The following SLC9A9 variants were observed in gnomAD, a reference collection of about 807,000 sequenced individuals.
SLC9A9 encodes sodium/hydrogen exchanger 9.
In SLC9A9, 62 loss-of-function variants were observed where a neutral mutation model predicts 77.8. The ratio of observed to expected loss-of-function variants is 0.80; its 90% confidence interval spans 0.65 to 0.98. The LOEUF is 0.98. SLC9A9 is among the 50% of genes least tolerant of loss of function. The pLI is 0.00. For missense variants in SLC9A9, 775 were observed against 774.9 expected (o/e 1.00, Z 0.00); for synonymous variants, 320 against 283.5 (o/e 1.13, Z -1.29).
At chr3:143,326,240 T>G (rs2031599415) in intron 14 of SLC9A9, among the ~76,000 whole-genome samples, 1 of 152,020 alleles carries the variant, frequency 6.6e-6, no homozygotes, top group African/African-American at 2.4e-5. Context: ...TGCTAAGTGG[T>G]CTCCCAGACA....
At chr3:143,670,903 A>ACTTGACT (rs2039145707) in intron 5 of SLC9A9, among the ~76,000 whole-genome samples, 1 of 152,204 alleles carries the variant, frequency 6.6e-6, no homozygotes, top group African/African-American at 2.4e-5. Flanking sequence ...TAAAGTGGGA[A>ACTTGACT]CTTGACTCTT....
intron 11 of SLC9A9, 111 bp downstream of exon 11, chr3:143,493,542 G>T: frequency 2.3e-6 from 2 of 887,058 alleles, no homozygotes; most frequent in South Asian, 1.4e-5. Flanking sequence ...GGTACAATGG[G>T]ATAAAGAGAA....
chr3:143,475,327 A>G (rs577864353), intron 11 of SLC9A9, among the ~76,000 whole-genome samples: 1 of 152,048 alleles, frequency 6.6e-6, no homozygotes, highest in South Asian at 2.1e-4. Flanking sequence ...CTGGTCTTTA[A>G]GATCTGTCTT....
chr3:143,576,453 G>A (rs958992915), intron 7 of SLC9A9, among the ~76,000 whole-genome samples: 2 of 152,206 alleles, frequency 1.3e-5, no homozygotes, highest in African/African-American at 4.8e-5. Flanking sequence ...GGTGTAAGGT[G>A]AGGAGGACAA....
chr3:143,432,561 C>T (rs968367545), intron 12 of SLC9A9, among the ~76,000 whole-genome samples: 3 of 152,200 alleles, frequency 2.0e-5, no homozygotes, highest in Non-Finnish European at 4.4e-5. Flanking sequence ...TTAAAACAAG[C>T]AGGCTGCCCT....
intron 14 of SLC9A9, among the ~76,000 whole-genome samples, chr3:143,358,308 A>G (rs2032649143): frequency 6.6e-6 from 1 of 152,144 alleles, no homozygotes; most frequent in Non-Finnish European, 1.5e-5. Context: ...CCAACCAGTT[A>G]TGGGAAGGAA....
chr3:143,296,008 A>C (rs2108422114), intron 14 of SLC9A9, among the ~76,000 whole-genome samples: 1 of 152,266 alleles, frequency 6.6e-6, no homozygotes, highest in East Asian at 1.9e-4. Flanking sequence ...GCAATAGTTA[A>C]TAATGTGGCA....
intron 14 of SLC9A9, among the ~76,000 whole-genome samples, chr3:143,311,805 CAT>C (rs536318649): frequency 6.6e-6 from 1 of 152,174 alleles, no homozygotes; most frequent in Non-Finnish European, 1.5e-5. Context: ...ACTTTGCTCT[CAT>C]GTGTACTGAA....
intron 6 of SLC9A9, among the ~76,000 whole-genome samples, chr3:143,643,903 T>A (rs913776092): frequency 6.7e-6 from 1 of 149,162 alleles, no homozygotes; most frequent in African/African-American, 2.4e-5. Flanking sequence ...GATCTTCTGA[T>A]ACAAGCAGAG....
At chr3:143,517,092 A>G (rs2036213892) in intron 9 of SLC9A9, 3 of 1,376,322 alleles carry the variant, frequency 2.2e-6, no homozygotes. Context: ...TTTTTCCTTC[A>G]GCAAGGGCTT....
chr3:143,536,515 A>G (rs1275640646), intron 9 of SLC9A9, among the ~76,000 whole-genome samples: 1 of 152,242 alleles, frequency 6.6e-6, no homozygotes, highest in Non-Finnish European at 1.5e-5. Context: ...GTAGCCTAAC[A>G]GTTTTACATG....
intron 6 of SLC9A9, among the ~76,000 whole-genome samples, chr3:143,584,605 T>C (rs2037511228): frequency 6.6e-6 from 1 of 152,166 alleles, no homozygotes. Context: ...AAATATGTAA[T>C]CCCTAACAAA....
chr3:143,518,308 AAAG>A, intron 9 of SLC9A9: 1 of 894,986 alleles, frequency 1.1e-6, no homozygotes, highest in Non-Finnish European at 1.8e-6. Context: ...GACCACGCAG[AAAG>A]GGCTGTTTAA....
intron 4 of SLC9A9, among the ~76,000 whole-genome samples, chr3:143,758,073 A>C (rs1458089063): frequency 6.6e-6 from 1 of 152,156 alleles, no homozygotes; most frequent in East Asian, 1.9e-4. Context: ...GAGAAACTCT[A>C]CATTTTGTAT....
chr3:143,280,394 CTTATT>C (rs1465887010), intron 14 of SLC9A9, among the ~76,000 whole-genome samples: 1 of 152,162 alleles, frequency 6.6e-6, no homozygotes, highest in Non-Finnish European at 1.5e-5. Context: ...ACTTCAGAAA[CTTATT>C]TTCTTTGAGC....
chr3:143,831,202 A>G (rs1354675119), intron 2 of SLC9A9, among the ~76,000 whole-genome samples: 1 of 152,078 alleles, frequency 6.6e-6, no homozygotes, highest in African/African-American at 2.4e-5. Context: ...GAAAATTCTC[A>G]GCTCTGACCT....
At chr3:143,594,546 C>T (rs2037720032) in intron 6 of SLC9A9, among the ~76,000 whole-genome samples, 1 of 152,112 alleles carries the variant, frequency 6.6e-6, no homozygotes, top group Non-Finnish European at 1.5e-5. Flanking sequence ...CCTGGTTGAT[C>T]TGGTTCCAAG....
intron 14 of SLC9A9, among the ~76,000 whole-genome samples, chr3:143,276,410 G>T (rs1377209100): frequency 1.3e-5 from 2 of 152,174 alleles, no homozygotes; most frequent in South Asian, 4.1e-4. Context: ...TGCTGTAAAT[G>T]TGTCTCTGGG....
intron 2 of SLC9A9, among the ~76,000 whole-genome samples, chr3:143,825,967 C>A (rs1486899342): frequency 6.6e-6 from 1 of 152,104 alleles, no homozygotes; most frequent in African/African-American, 2.4e-5. Context: ...CAGTTTAAAA[C>A]CACATTTGTG....
Sources: allele counts gnomAD v4.1 joint callset (sites outside exome capture counted in the v4.1 genomes callset), GRCh38; gene constraint gnomAD v4.1.1; transcripts MANE v1.5; gene names NCBI Gene and HGNC (gene_info 2026-07-23, HGNC 2026-07-21).